ERBB4: variants seen among roughly 807,000 people sequenced by gnomAD.
ERBB4 encodes erb-b2 receptor tyrosine kinase 4.
In ERBB4, 42 loss-of-function variants were observed where a neutral mutation model predicts 158.0. That is an observed-to-expected ratio of 0.27 (90% CI 0.21 to 0.34). The LOEUF (loss-of-function observed/expected upper bound fraction) is 0.34. Among genes scored for constraint, ERBB4 ranks in the 10% least tolerant of loss-of-function variants. ERBB4 has a pLI of 1.00. For synonymous variants in ERBB4, 583 were observed against 558.7 expected (o/e 1.04, Z -0.61); for missense variants, 1,333 against 1,624.1 (o/e 0.82, Z 3.08).
intron 1 of ERBB4, among the ~76,000 whole-genome samples, chr2:212,431,524 G>C (rs927568232): frequency 1.3e-5 from 2 of 151,982 alleles, no homozygotes; most frequent in Non-Finnish European, 2.9e-5. Flanking sequence ...ACTCTGTTCA[G>C]AGTATTCTTA....
At chr2:211,614,188 T>C (rs2069299667) in intron 19 of ERBB4, among the ~76,000 whole-genome samples, 1 of 152,116 alleles carries the variant, frequency 6.6e-6, no homozygotes, top group Non-Finnish European at 1.5e-5. Flanking sequence ...AAACATCATC[T>C]GTTCTCATTT....
intron 3 of ERBB4, among the ~76,000 whole-genome samples, chr2:211,802,132 A>C (rs1179832242): frequency 2.0e-5 from 3 of 152,036 alleles, no homozygotes; most frequent in Non-Finnish European, 2.9e-5. Context: ...GGTGGCGGGC[A>C]CCTGTAGTCG....
chr2:212,045,588 C>A (rs138304008), intron 2 of ERBB4, among the ~76,000 whole-genome samples: 1 of 152,158 alleles, frequency 6.6e-6, no homozygotes, highest in Non-Finnish European at 1.5e-5. Context: ...TCCAAGCTAC[C>A]ATTGAAGTTT....
At chr2:212,379,492 G>T (rs2090433254) in intron 1 of ERBB4, among the ~76,000 whole-genome samples, 1 of 151,672 alleles carries the variant, frequency 6.6e-6, no homozygotes, top group South Asian at 2.1e-4. Flanking sequence ...CAACATTTGT[G>T]TAGACTACCT....
At chr2:212,009,162 C>A (rs1372400318) in intron 2 of ERBB4, among the ~76,000 whole-genome samples, 1 of 152,042 alleles carries the variant, frequency 6.6e-6, no homozygotes, top group African/African-American at 2.4e-5. Context: ...CCCCAACCCC[C>A]CAAAAAGATA....
intron 1 of ERBB4, among the ~76,000 whole-genome samples, chr2:212,342,857 T>C (rs149401244): frequency 7.4e-4 from 113 of 152,358 alleles, no homozygotes; most frequent in African/African-American, 2.6e-3. Context: ...AGTATTCTTC[T>C]TATTCATATC....
At position 212,199,348 on chromosome 2, in the gene ERBB4, T is replaced by C. The variant is rs565480688; in HGVS notation, c.83-74445A>G. On this transcript the variant is annotated intron_variant, in intron 1 of 27. Transcript: ENST00000342788. ...ACATTAAGGTAATAGTAGCAGCTTC[T>C]TATAATTTGAATGAATGAGTGAGTG... 6.1e-4 allele frequency among the ~76,000 whole-genome samples: 93 copies of C among 152,324 alleles called. 1 individual carries two copies. Among genetic ancestry groups the C allele is most frequent in the Non-Finnish European group, 1.1e-3 (76 of 68,020 alleles).
chr2:211,942,330 TTTTATTTATTTATTTATTTA>T (rs200095181), intron 3 of ERBB4, among the ~76,000 whole-genome samples: 2 of 145,828 alleles, frequency 1.4e-5, no homozygotes, highest in African/African-American at 5.1e-5. Context: ...GGATGAAGCA[TTTTATTTATTTATTTATTTA>T]TTTATTTATT....
At chr2:212,247,594 C>T (rs973116574) in intron 1 of ERBB4, among the ~76,000 whole-genome samples, 1 of 152,192 alleles carries the variant, frequency 6.6e-6, no homozygotes, top group African/African-American at 2.4e-5. Context: ...CAAAAATTTG[C>T]TTGTCTAGAA....
At chr2:212,511,262 T>C (rs983892118) in intron 1 of ERBB4, among the ~76,000 whole-genome samples, 2 of 152,160 alleles carry the variant, frequency 1.3e-5, no homozygotes, top group Non-Finnish European at 2.9e-5. Flanking sequence ...GAGCATTCCC[T>C]ATTAGGCTTC....
At chr2:211,716,626 A>G (rs564707863) in intron 7 of ERBB4, among the ~76,000 whole-genome samples, 1 of 152,148 alleles carries the variant, frequency 6.6e-6, no homozygotes, top group Admixed American at 6.5e-5. Context: ...CAGTGAGCCG[A>G]GATTGCGCCA....
rs370403330 is a variant in ERBB4, at chr2:211,704,073, G to A, written c.1289+31C>T. 65 of 1,216,910 alleles carry A rather than the reference G, an allele frequency of 5.3e-5. 1 individual carries two copies. The highest frequency in any genetic ancestry group is 7.5e-5 in the Non-Finnish European group (61 of 817,384). The allele number at this position is 1,216,910 out of a possible 1,614,324, so 75.4% of individuals were successfully genotyped here. A position where few individuals can be genotyped will look rare whatever the true frequency, so the allele number is the denominator to read the frequency against. On this transcript the variant is annotated intron_variant, in intron 11 of 27. Coordinates refer to ENST00000342788, the MANE Select transcript of ERBB4 (RefSeq NM_005235.3). ...ACACAATGCTCCTCTTGAAATCTGT[G>A]AGCCCTGCAGCTTTAAACATATCCA...
At chr2:211,541,731 G>T (rs779345311) in intron 20 of ERBB4, among the ~76,000 whole-genome samples, 1 of 151,862 alleles carries the variant, frequency 6.6e-6, no homozygotes, top group Non-Finnish European at 1.5e-5. Context: ...TGTTCCAATT[G>T]TTAAATATAA....
chr2:212,008,886 C>T (rs938035682), intron 2 of ERBB4, among the ~76,000 whole-genome samples: 8 of 152,100 alleles, frequency 5.3e-5, no homozygotes, highest in African/African-American at 1.7e-4. Flanking sequence ...TTGGCAGCTG[C>T]TCTGACTTAG....
At chr2:212,198,820 G>A (rs1245165620) in intron 1 of ERBB4, among the ~76,000 whole-genome samples, 8 of 141,876 alleles carry the variant, frequency 5.6e-5, no homozygotes, top group African/African-American at 2.2e-4. Flanking sequence ...CTGACCTCAC[G>A]TGATCCACCC....
chr2:211,564,924 T>G (rs11886732), intron 19 of ERBB4, among the ~76,000 whole-genome samples: 46,914 of 151,828 alleles, frequency 0.31, 9,462 homozygotes, highest in African/African-American at 0.57. Flanking sequence ...CTAGTGGGAG[T>G]TGAAGGTCAA....
chr2:211,910,946 A>G (rs942476313), intron 3 of ERBB4, among the ~76,000 whole-genome samples: 2 of 152,204 alleles, frequency 1.3e-5, no homozygotes, highest in Admixed American at 6.5e-5. Context: ...CATACTTGAC[A>G]AAACAGAACA....
chr2:211,401,254 G>C (rs2063035408), intron 25 of ERBB4, among the ~76,000 whole-genome samples: 1 of 152,024 alleles, frequency 6.6e-6, no homozygotes, highest in Admixed American at 6.6e-5. Context: ...TCTAACAGTA[G>C]AGATTATGAT....
chr2:211,425,502 C>T (rs771740534), intron 22 of ERBB4, among the ~76,000 whole-genome samples: 17 of 151,822 alleles, frequency 1.1e-4, no homozygotes, highest in Non-Finnish European at 1.9e-4. Flanking sequence ...ATTGTTATTA[C>T]ATCTTTAATT....
Sources: gnomAD v4.1 joint callset for allele counts (sites outside exome capture counted in the v4.1 genomes callset) on GRCh38, gnomAD v4.1.1 for gene constraint, MANE v1.5 for transcripts, NCBI Gene and HGNC (gene_info 2026-07-23, HGNC 2026-07-21) for gene names.